AMOTL1: variants seen among roughly 807,000 people sequenced by gnomAD.
The protein encoded by AMOTL1 is angiomotin-like protein 1.
A neutral mutation model predicts 102.9 loss-of-function variants in AMOTL1; 45 were observed. That is an observed-to-expected ratio of 0.44 (90% CI 0.34 to 0.56). The LOEUF (loss-of-function observed/expected upper bound fraction) is 0.56. Ranked by LOEUF, AMOTL1 falls within the 20% of genes least tolerant of loss-of-function variation. The pLI is 0.01. For missense variants in AMOTL1, 1,114 were observed against 1,225.6 expected (o/e 0.91, Z 1.36); for synonymous variants, 481 against 484.7 (o/e 0.99, Z 0.10).
intron 1 of AMOTL1, among the ~76,000 whole-genome samples, chr11:94,775,597 A>C (rs1014632353): frequency 3.3e-5 from 5 of 152,242 alleles, no homozygotes; most frequent in Non-Finnish European, 5.9e-5. Context: ...TGGCTATTTA[A>C]ATTAATGAAA....
At chr11:94,786,645 T>C (rs1042288050) in intron 1 of AMOTL1, among the ~76,000 whole-genome samples, 2 of 152,224 alleles carry the variant, frequency 1.3e-5, no homozygotes, top group Non-Finnish European at 2.9e-5. Context: ...TCTAACATTA[T>C]GTACAAAGCC....
chr11:94,811,311 G>A (rs1279149128), intron 3 of AMOTL1, among the ~76,000 whole-genome samples: 1 of 152,024 alleles, frequency 6.6e-6, no homozygotes, highest in South Asian at 2.1e-4. Flanking sequence ...TGGCTAACAT[G>A]GTGAAACCCC....
chr11:94,839,238 C>T (rs1952246469), intron 6 of AMOTL1, among the ~76,000 whole-genome samples: 2 of 152,202 alleles, frequency 1.3e-5, no homozygotes, highest in Non-Finnish European at 2.9e-5. Context: ...TGGTTCAGGC[C>T]AGACCGGCTG....
chr11:94,710,175 G>A (rs960304416), intron 1 of AMOTL1, among the ~76,000 whole-genome samples: 8 of 152,146 alleles, frequency 5.3e-5, no homozygotes, highest in Non-Finnish European at 1.2e-4. Flanking sequence ...GAATTTGTTA[G>A]GGGAAGGAGG....
intron 3 of AMOTL1, among the ~76,000 whole-genome samples, chr11:94,743,543 G>T (rs1333008195): frequency 6.6e-6 from 1 of 151,812 alleles, no homozygotes; most frequent in Non-Finnish European, 1.5e-5. Context: ...AGCTTGTCAA[G>T]CAGCCATTCT....
chr11:94,852,865 A>G (rs954326617), intron 7 of AMOTL1, among the ~76,000 whole-genome samples: 6 of 152,222 alleles, frequency 3.9e-5, no homozygotes, highest in Non-Finnish European at 8.8e-5. Context: ...ACACATACAT[A>G]TATAAATACA....
chr11:94,859,998 C>T (rs1592044204), intron 9 of AMOTL1, among the ~76,000 whole-genome samples: 1 of 152,114 alleles, frequency 6.6e-6, no homozygotes, highest in East Asian at 1.9e-4. Context: ...AAGAGTTAAT[C>T]TCAGTGTTGT....
At chr11:94,722,799 G>A (rs1237242991) in intron 1 of AMOTL1, among the ~76,000 whole-genome samples, 6 of 152,042 alleles carry the variant, frequency 3.9e-5, no homozygotes, top group Non-Finnish European at 8.8e-5. Context: ...TTCTCCAGTT[G>A]GCATCTGATT....
At position 94,800,295 on chromosome 11, in the gene AMOTL1, GAGTAT is replaced by G; in HGVS notation, c.1106_1110del (p.Glu369GlyfsTer103). ...CGTCCTGCGGTACCAGCCACCCCCT[GAGTAT>G]GGGGTAACGAGGTGATTATCAACTG... is the stretch of plus-strand genomic sequence containing the variant. On this transcript the variant is annotated frameshift_variant, in exon 3 of 13. Transcript: ENST00000433060. LOFTEE classifies it high-confidence loss of function. 1 of 1,606,600 alleles carries G rather than the reference GAGTAT, an allele frequency of 6.2e-7. No individual in the cohort carries two copies. The highest frequency in any genetic ancestry group is 8.5e-7 in the Non-Finnish European group (1 of 1,176,726).
chr11:94,742,664 A>G (rs1330153360), intron 3 of AMOTL1, among the ~76,000 whole-genome samples: 1 of 152,192 alleles, frequency 6.6e-6, no homozygotes, highest in Non-Finnish European at 1.5e-5. Flanking sequence ...GTTTCTCATG[A>G]GGAGATTAGA....
At chr11:94,836,709 G>A (rs1422351985) in intron 6 of AMOTL1, among the ~76,000 whole-genome samples, 4 of 151,258 alleles carry the variant, frequency 2.6e-5, no homozygotes, top group East Asian at 1.9e-4. Flanking sequence ...CAGAATAAAA[G>A]CAATTTAAAA....
intron 3 of AMOTL1, chr11:94,741,066 G>T: frequency 8.5e-7 from 1 of 1,169,862 alleles, no homozygotes. Flanking sequence ...GCGTCCATAG[G>T]AACTCAGCTA....
intron 1 of AMOTL1, 109 bp downstream of exon 1, chr11:94,768,669 C>T (rs909689453): frequency 1.2e-5 from 18 of 1,486,606 alleles, no homozygotes; most frequent in Non-Finnish European, 1.5e-5. Flanking sequence ...AAGGGGGCAG[C>T]TTCTGGGGGC....
Position 94,847,225 on chromosome 11 carries a change from ACCAGAGGTAT to A in AMOTL1, c.1649-2885_1649-2876del, listed in dbSNP as rs571344095. 4.9e-4 allele frequency among the ~76,000 whole-genome samples: 75 copies of A among 152,272 alleles called. 1 individual carries two copies. The highest frequency in any genetic ancestry group is 1.6e-3 in the African/African-American group (68 of 41,548). Reference sequence around the variant, plus strand: ...TTAGGGAGCCTGGGCAGAGGAAGGAACCAGAGGTATCCATGGTCAGTACCAGCCATCTGAT... The same window carrying A: ...TTAGGGAGCCTGGGCAGAGGAAGGAACCATGGTCAGTACCAGCCATCTGAT... On this transcript the variant is annotated intron_variant, in intron 6 of 12. Transcript: ENST00000433060.
Position 94,817,085 on chromosome 11 carries a change from G to A in AMOTL1, c.1122-4445G>A, listed in dbSNP as rs1263768192. ...AGATTTATGGAAATTATATCTTATG[G>A]TCAAGATAATTAAAATTTAATAAAT... On this transcript the variant is annotated intron_variant, in intron 3 of 12. Coordinates refer to ENST00000433060, the MANE Select transcript of AMOTL1 (RefSeq NM_130847.3). 3.3e-5 allele frequency among the ~76,000 whole-genome samples: 5 copies of A among 152,060 alleles called. No individual in the cohort carries two copies. The South Asian group carries it at 1.0e-3, about 31-fold the overall frequency.
intron 1 of AMOTL1, among the ~76,000 whole-genome samples, chr11:94,773,749 A>G (rs1297900009): frequency 2.0e-5 from 3 of 152,238 alleles, no homozygotes; most frequent in Non-Finnish European, 1.5e-5. Context: ...GTTGGCATAA[A>G]CTGAGTGGTT....
chr11:94,814,541 A>G (rs1414791421), intron 3 of AMOTL1, among the ~76,000 whole-genome samples: 2 of 152,236 alleles, frequency 1.3e-5, no homozygotes, highest in Non-Finnish European at 2.9e-5. Context: ...AGAAGGGAAC[A>G]GGACAATTTC....
At position 94,800,121 on chromosome 11, in the gene AMOTL1, C is replaced by A; in HGVS notation, c.931C>A (p.Pro311Thr). 1 of 1,613,956 alleles carries A rather than the reference C, an allele frequency of 6.2e-7. No homozygotes were observed. Among genetic ancestry groups the A allele is most frequent in the African/African-American group, 1.3e-5 (1 of 75,032 alleles). The change falls in exon 3 of 13, where the codon CCT (proline) becomes ACT (threonine). Residue 311 changes from proline (P) to threonine (T), a missense_variant. Coordinates refer to ENST00000433060, the MANE Select transcript of AMOTL1 (RefSeq NM_130847.3). ...GKVLDPRGPP[P>T]EYPFKTKQMM... The stretch of plus-strand genomic sequence containing the variant: ...AGTGCTGGACCCTCGGGGTCCTCCA[C>A]CTGAGTACCCCTTCAAGACCAAGCA...
chr11:94,777,247 C>T (rs1248378141), intron 1 of AMOTL1, among the ~76,000 whole-genome samples: 4 of 152,144 alleles, frequency 2.6e-5, no homozygotes, highest in Non-Finnish European at 4.4e-5. Flanking sequence ...TGTTAAAGGA[C>T]ATAATCCTGT....
Sources: allele counts gnomAD v4.1 joint callset (sites outside exome capture counted in the v4.1 genomes callset), GRCh38; gene constraint gnomAD v4.1.1; transcripts MANE v1.5; gene names NCBI Gene and HGNC (gene_info 2026-07-23, HGNC 2026-07-21).